The following SLC7A7 variants were observed in gnomAD, a reference collection of about 807,000 sequenced individuals.
The protein encoded by SLC7A7 is Y+L amino acid transporter 1.
SLC7A7 carries 39 observed loss-of-function variants against 47.9 expected under a neutral mutation model. The observed-to-expected ratio is 0.81, with a 90% confidence interval of 0.63 to 1.06. The LOEUF (loss-of-function observed/expected upper bound fraction) is 1.06. Among genes scored for constraint, SLC7A7 ranks in the 50% least tolerant of loss-of-function variants. The probability of loss-of-function intolerance (pLI) is 0.00; values close to 1 mark genes in which losing one functional copy is unlikely to be tolerated. For missense variants in SLC7A7, 588 were observed against 632.0 expected, an observed-to-expected ratio of 0.93 and a Z score of 0.75; for synonymous variants, 234 against 242.8, an observed-to-expected ratio of 0.96 and a Z score of 0.34.
chr14:22,780,625 G>C (rs2038702237), intron 2 of SLC7A7: 1 of 160,044 alleles, frequency 6.2e-6, no homozygotes, highest in Admixed American at 5.8e-5. Context: ...TTGCAGCTAA[G>C]AGTGGTTCCT....
At chr14:22,787,569 G>C (rs1244803685) in intron 2 of SLC7A7, among the ~76,000 whole-genome samples, 1 of 149,280 alleles carries the variant, frequency 6.7e-6, no homozygotes, top group East Asian at 2.0e-4. Context: ...CTGGCAATAT[G>C]GCAAAACCCC....
At chr14:22,779,011 C>G (rs1417478265) in intron 3 of SLC7A7, 74 bp from the exon 4 acceptor site, 1 of 1,583,440 alleles carries the variant, frequency 6.3e-7, no homozygotes, top group Non-Finnish European at 8.6e-7. Context: ...AAGTAAAGGA[C>G]TGACAGAATA....
intron 2 of SLC7A7, among the ~76,000 whole-genome samples, chr14:22,789,815 A>G (rs2038893244): frequency 6.6e-6 from 1 of 152,118 alleles, no homozygotes; most frequent in East Asian, 1.9e-4. Context: ...TCTCCCAGTT[A>G]CTGCTGACTT....
chr14:22,806,136 A>C (rs11157834), intron 2 of SLC7A7, among the ~76,000 whole-genome samples: 59,511 of 111,060 alleles, frequency 0.54, 18,016 homozygotes, highest in East Asian at 0.78. Context: ...AAAAAAAAAA[A>C]AAAACTGTAC....
chr14:22,817,195 G>A, upstream of SLC7A7: 1 of 192,540 alleles, frequency 5.2e-6, no homozygotes, highest in South Asian at 6.6e-5. Flanking sequence ...CCAGGCTGGA[G>A]TGCAGTGGCA....
chr14:22,783,969 AG>A (rs1555322151), intron 2 of SLC7A7, among the ~76,000 whole-genome samples: 1 of 152,210 alleles, frequency 6.6e-6, no homozygotes, highest in Non-Finnish European at 1.5e-5. Context: ...CTGTGGGAGC[AG>A]GAAATGGGTA....
At chr14:22,782,997 G>A (rs1033052811) in intron 2 of SLC7A7, among the ~76,000 whole-genome samples, 2 of 151,052 alleles carry the variant, frequency 1.3e-5, no homozygotes, top group Non-Finnish European at 2.9e-5. Flanking sequence ...GCAGTGGTGC[G>A]ATCTCAGCTC....
intron 7 of SLC7A7, 102 bp downstream of exon 7, chr14:22,775,342 T>C: frequency 1.0e-6 from 1 of 970,562 alleles, no homozygotes; most frequent in Admixed American, 1.7e-5. Flanking sequence ...GTTTTTCTAT[T>C]GGAATCTTTC....
At chr14:22,773,802 A>G (rs2038530129) in intron 9 of SLC7A7, 86 bp from the exon 10 acceptor site, 1 of 1,525,738 alleles carries the variant, frequency 6.6e-7, no homozygotes, top group African/African-American at 1.4e-5. Flanking sequence ...GTGTGAGGGG[A>G]GTGATTCCAC....
intron 2 of SLC7A7, 51 bp downstream of exon 2, chr14:22,812,849 C>A: frequency 6.3e-7 from 1 of 1,583,758 alleles, no homozygotes; most frequent in Non-Finnish European, 8.6e-7. Flanking sequence ...ACTCACATCC[C>A]AGCCTCTGTC....
chr14:22,794,099 C>T (rs1224081225), intron 2 of SLC7A7, among the ~76,000 whole-genome samples: 1 of 152,310 alleles, frequency 6.6e-6, no homozygotes, highest in Admixed American at 6.5e-5. Flanking sequence ...ACCAAGTTAT[C>T]CTTAAAAACT....
intron 2 of SLC7A7, among the ~76,000 whole-genome samples, chr14:22,788,772 A>T (rs2038872081): frequency 6.6e-6 from 1 of 152,096 alleles, no homozygotes; most frequent in South Asian, 2.1e-4. Context: ...CTCAAACATA[A>T]TAAGCAAGCC....
At chr14:22,774,270 T>G in intron 8 of SLC7A7, 84 bp downstream of exon 8, 1 of 1,609,970 alleles carries the variant, frequency 6.2e-7, no homozygotes, top group Non-Finnish European at 8.5e-7. Flanking sequence ...CAAAGGTTTC[T>G]AAATAAAGTG....
chr14:22,808,233 T>C (rs2039245931), intron 2 of SLC7A7, among the ~76,000 whole-genome samples: 1 of 152,146 alleles, frequency 6.6e-6, no homozygotes, highest in Non-Finnish European at 1.5e-5. Context: ...TTATATTGCA[T>C]GACAATTATT....
rs1290437522 is a variant in SLC7A7 at position 22,813,242 on chromosome 14, A to G, written c.157T>C (p.Ser53Pro). 1.2e-6 allele frequency: 2 copies of G among 1,613,880 alleles called. No individual in the cohort carries two copies. The highest frequency in any genetic ancestry group is 2.2e-5 in the East Asian group (1 of 44,880). ...CCCTTGGGGGAAACAAAGATGCCCG[A>G]GCCGATCATGTTCCCCACAATCAGG... is the stretch of plus-strand genomic sequence containing the variant. ...VCLIVGNMIG[S>P]GIFVSPKGVL... The change falls in exon 2 of 10, where the codon TCG (serine) becomes CCG (proline). Residue 53 changes from serine to proline, a missense_variant. Physicochemically the swap from Ser to Pro is moderately conservative, Grantham distance 74. Coordinates refer to ENST00000674313, the MANE Select transcript of SLC7A7 (RefSeq NM_003982.4).
rs1377255088 is a variant in SLC7A7 at position 22,813,223 on chromosome 14, G to A, written c.176C>T (p.Pro59Leu). Reference sequence around the variant, plus strand: ...GGCACTGTATATGAGCACACCCTTGGGGGAAACAAAGATGCCCGAGCCGAT... The same window carrying A: ...GGCACTGTATATGAGCACACCCTTGAGGGAAACAAAGATGCCCGAGCCGAT... ...NMIGSGIFVS[P>L]KGVLIYSASF... The change falls in exon 2 of 10, where the codon CCC becomes CTC. Residue 59 changes from proline to leucine, a missense_variant. Physicochemically the swap from Pro to Leu is moderately conservative, Grantham distance 98. Transcript: ENST00000674313. 2 of 1,613,940 alleles carry A rather than the reference G, an allele frequency of 1.2e-6. No homozygotes were observed. Among genetic ancestry groups the A allele is most frequent in the Non-Finnish European group, 1.7e-6 (2 of 1,179,882 alleles).
chr14:22,775,242 A>G (rs1336035698), intron 7 of SLC7A7, among the ~76,000 whole-genome samples: 1 of 149,522 alleles, frequency 6.7e-6, no homozygotes, highest in African/African-American at 2.4e-5. Flanking sequence ...ATCTTAGAGC[A>G]GAGGTGTACC....
intron 2 of SLC7A7, chr14:22,780,277 C>T (rs1216971099): frequency 3.8e-6 from 2 of 522,796 alleles, no homozygotes; most frequent in Non-Finnish European, 6.9e-6. Flanking sequence ...ATGGGAGACA[C>T]AAAACAAAGT....
In SLC7A7 at chr14:22,775,492, G is replaced by A. The variant is rs1478083044; in HGVS notation, c.1047C>T (p.Cys349=). The change falls in exon 7 of 10, where the codon TGC becomes TGT. Residue 349 remains cysteine, a synonymous_variant. Coordinates refer to ENST00000674313, the MANE Select transcript of SLC7A7 (RefSeq NM_003982.4). ...SREGHLPDAI[C]MIHVERFTPV... Reference sequence around the variant, plus strand: ...GTGTGAACCGCTCAACATGGATCATGCAGATGGCATCAGGGAGATGGCCTT... The same window carrying A: ...GTGTGAACCGCTCAACATGGATCATACAGATGGCATCAGGGAGATGGCCTT... 3 of 1,614,188 alleles carry A rather than the reference G, an allele frequency of 1.9e-6. No individual in the cohort carries two copies. Among genetic ancestry groups the A allele is most frequent in the African/African-American group, 2.7e-5 (2 of 75,052 alleles).
Sources: allele counts gnomAD v4.1 joint callset (sites outside exome capture counted in the v4.1 genomes callset), GRCh38; gene constraint gnomAD v4.1.1; transcripts MANE v1.5; gene names NCBI Gene and HGNC (gene_info 2026-07-23, HGNC 2026-07-21).